The following BLK variants were observed in gnomAD, a reference collection of about 807,000 sequenced individuals.
The protein encoded by BLK is BLK proto-oncogene, Src family tyrosine kinase, also known as tyrosine-protein kinase Blk.
A neutral mutation model predicts 61.8 loss-of-function variants in BLK; 64 were observed. That is an observed-to-expected ratio of 1.03 (90% CI 0.85 to 1.27). The LOEUF is 1.27. Ranked by LOEUF, BLK falls within the 50% of genes most tolerant of loss-of-function variation. BLK has a pLI of 0.00. For synonymous variants in BLK, 351 were observed against 272.0 expected, an observed-to-expected ratio of 1.29 and a Z score of -2.86; for missense variants, 853 against 660.5, an observed-to-expected ratio of 1.29 and a Z score of -3.19.
intron 1 of BLK, among the ~76,000 whole-genome samples, chr8:11,530,203 C>T (rs1468708833): frequency 6.6e-6 from 1 of 152,068 alleles, no homozygotes; most frequent in Non-Finnish European, 1.5e-5. Flanking sequence ...CAGATTAGAC[C>T]TTTTAAAAGT....
chr8:11,523,341 G>C (rs1799527706), intron 1 of BLK, among the ~76,000 whole-genome samples: 1 of 152,176 alleles, frequency 6.6e-6, no homozygotes, highest in Non-Finnish European at 1.5e-5. Flanking sequence ...ATCACTTGAA[G>C]TCAGGTGTTT....
intron 1 of BLK, among the ~76,000 whole-genome samples, chr8:11,515,975 C>A (rs968436695): frequency 3.9e-5 from 6 of 152,198 alleles, no homozygotes; most frequent in African/African-American, 1.2e-4. Flanking sequence ...TGGGTGTGCA[C>A]TCGCGTGCCT....
chr8:11,533,172 C>T lies in BLK; in HGVS notation c.-1-10052C>T, dbSNP rs80059590. Among the ~76,000 whole-genome samples, 856 of 152,334 alleles carry T rather than the reference C, an allele frequency of 5.6e-3. 8 individuals carry two copies. The highest frequency in any genetic ancestry group is 0.017 in the African/African-American group (708 of 41,570). On this transcript the variant is annotated intron_variant, in intron 1 of 12. Transcript: ENST00000259089. ...TTAAATCTCTGCCTCTCTAGCAGGACATCTGTGTCTCTAGATCCACTCAGT... is the reference window on the plus strand; with the variant it reads ...TTAAATCTCTGCCTCTCTAGCAGGATATCTGTGTCTCTAGATCCACTCAGT...
At position 11,494,519 on chromosome 8, in the gene BLK, T is replaced by C. The variant is rs1212391167; in HGVS notation, c.-74T>C. The stretch of plus-strand genomic sequence containing the variant: ...GGTGTTGGAAGTTGCTCGTTGTCGC[T>C]AGGAGCCTGCTCCACTGTAAGGGTG... On this transcript the variant is annotated 5_prime_UTR_variant, in exon 1 of 13. An upstream open reading frame in the 5' UTR loses its in-frame stop. Transcript: ENST00000259089. 3 of 152,264 alleles carry C rather than the reference T, an allele frequency of 2.0e-5. No homozygotes were observed. Among genetic ancestry groups the C allele is most frequent in the Non-Finnish European group, 2.9e-5 (2 of 68,060 alleles). The allele number at this position is 152,264 out of a possible 1,614,324, so 9.4% of individuals were successfully genotyped here.
chr8:11,549,714 G>A (rs1800814903), intron 5 of BLK, among the ~76,000 whole-genome samples: 1 of 152,190 alleles, frequency 6.6e-6, no homozygotes, highest in South Asian at 2.1e-4. Flanking sequence ...ACAGTGTGGG[G>A]AACCGTGGGG....
chr8:11,541,069 C>T (rs1475025560), intron 1 of BLK, among the ~76,000 whole-genome samples: 1 of 152,068 alleles, frequency 6.6e-6, no homozygotes, highest in East Asian at 1.9e-4. Flanking sequence ...AGTTTGAGAC[C>T]AGCCTGCATG....
intron 1 of BLK, among the ~76,000 whole-genome samples, chr8:11,522,763 A>T (rs1422607756): frequency 6.6e-6 from 1 of 152,206 alleles, no homozygotes; most frequent in Non-Finnish European, 1.5e-5. Flanking sequence ...AAGTTGCAAA[A>T]AGGTTACATA....
At chr8:11,502,486 T>A (rs910028869) in intron 1 of BLK, among the ~76,000 whole-genome samples, 6 of 152,074 alleles carry the variant, frequency 3.9e-5, no homozygotes, top group Non-Finnish European at 5.9e-5. Context: ...GTATTTTAAG[T>A]AGAGTTAGCC....
chr8:11,562,469 C>G (rs1209122386), intron 11 of BLK, among the ~76,000 whole-genome samples: 1 of 152,158 alleles, frequency 6.6e-6, no homozygotes, highest in Non-Finnish European at 1.5e-5. Flanking sequence ...GCTCCAAATG[C>G]TGGCCGGGGC....
intron 1 of BLK, among the ~76,000 whole-genome samples, chr8:11,526,248 G>C (rs1173890099): frequency 6.6e-6 from 1 of 152,068 alleles, no homozygotes; most frequent in Non-Finnish European, 1.5e-5. Context: ...ATTTTTATCA[G>C]CTGTTTTGTA....
At chr8:11,526,072 T>G (rs567952917) in intron 1 of BLK, among the ~76,000 whole-genome samples, 24 of 152,278 alleles carry the variant, frequency 1.6e-4, no homozygotes, top group African/African-American at 5.5e-4. Context: ...CGCACCCAGC[T>G]GCAGCTTTTG....
At chr8:11,526,056 A>G (rs1799641249) in intron 1 of BLK, among the ~76,000 whole-genome samples, 1 of 152,170 alleles carries the variant, frequency 6.6e-6, no homozygotes, top group Admixed American at 6.5e-5. Context: ...TACAGGTGTG[A>G]GCCACCGCAC....
At chr8:11,537,619 C>G (rs1248227469) in intron 1 of BLK, among the ~76,000 whole-genome samples, 1 of 152,220 alleles carries the variant, frequency 6.6e-6, no homozygotes, top group Non-Finnish European at 1.5e-5. Flanking sequence ...CAGTAACACC[C>G]TCCAGCTGCC....
At chr8:11,558,990 G>A (rs536497274) in intron 10 of BLK, 11 of 456,294 alleles carry the variant, frequency 2.4e-5, no homozygotes, top group South Asian at 7.7e-5. Flanking sequence ...GGGCAGGCTG[G>A]TTTTGGAAAA....
intron 1 of BLK, among the ~76,000 whole-genome samples, chr8:11,510,054 G>A (rs112020953): frequency 8.5e-5 from 13 of 152,060 alleles, no homozygotes; most frequent in Non-Finnish European, 1.5e-4. Context: ...CAGGTGTTTC[G>A]TTTGCTTCCA....
At chr8:11,556,413 G>C in intron 8 of BLK, 1 of 557,842 alleles carries the variant, frequency 1.8e-6, no homozygotes, top group Middle Eastern at 5.0e-4. Context: ...CAGGCCCAGG[G>C]TGTGGGGCAA....
chr8:11,499,064 C>G (rs1798464790), intron 1 of BLK, among the ~76,000 whole-genome samples: 1 of 152,178 alleles, frequency 6.6e-6, no homozygotes, highest in South Asian at 2.1e-4. Flanking sequence ...AGCCATGAAC[C>G]TAGACACAGT....
chr8:11,501,072 G>T (rs928340492), intron 1 of BLK, among the ~76,000 whole-genome samples: 11 of 152,020 alleles, frequency 7.2e-5, no homozygotes, highest in African/African-American at 2.4e-4. Flanking sequence ...AGCTGGGCAT[G>T]GTGGCAGGCA....
At chr8:11,513,836 T>C (rs2117297965) in intron 1 of BLK, among the ~76,000 whole-genome samples, 1 of 152,282 alleles carries the variant, frequency 6.6e-6, no homozygotes, top group South Asian at 2.1e-4. Flanking sequence ...GCGCACTGCA[T>C]GAGAACCCTG....
Sources: gnomAD v4.1 joint callset for allele counts (sites outside exome capture counted in the v4.1 genomes callset) on GRCh38, gnomAD v4.1.1 for gene constraint, MANE v1.5 for transcripts, NCBI Gene and HGNC (gene_info 2026-07-23, HGNC 2026-07-21) for gene names.